Variants in MNX1 observed in about 807,000 individuals in gnomAD.
MNX1 encodes the protein motor neuron and pancreas homeobox 1.
In MNX1, 2 loss-of-function variants were observed where a neutral mutation model predicts 17.3. The observed-to-expected ratio is 0.12, with a 90% CI of 0.05 to 0.36. The LOEUF (loss-of-function observed/expected upper bound fraction) is 0.36, where lower values mean the gene tolerates loss of function less well. Ranked by LOEUF, MNX1 falls within the 10% of genes least tolerant of loss-of-function variation. MNX1 has a pLI of 1.00. For missense variants in MNX1, 556 were observed against 564.7 expected (o/e 0.98, Z 0.16); for synonymous variants, 306 against 283.1 (o/e 1.08, Z -0.81).
At position 157,010,173 on chromosome 7, in the gene MNX1, G is replaced by C; in HGVS notation, c.178C>G (p.Pro60Ala). The part of the protein sequence containing the change: ...ASGGTSGSCS[P>A]ASSEPPAAPA... Reference sequence around the variant, plus strand: ...GCAGCCGGCGGCTCCGAGGACGCGGGGCTGCAGCTGCCGCTAGTCCCGCCG... The same window carrying C: ...GCAGCCGGCGGCTCCGAGGACGCGGCGCTGCAGCTGCCGCTAGTCCCGCCG... The change falls in exon 1 of 3, where the codon CCC becomes GCC. Residue 60 changes from proline to alanine, a missense_variant. Pro to Ala is a conservative substitution (Grantham distance 27, BLOSUM62 -1). Coordinates refer to ENST00000252971, the MANE Select transcript of MNX1 (RefSeq NM_005515.4). The C allele has an allele frequency of 8.6e-7, 1 of 1,168,260 alleles. No homozygotes were observed. The highest frequency in any genetic ancestry group is 1.1e-6 in the Non-Finnish European group (1 of 944,690). 72.4% of individuals were successfully genotyped at this position (1,168,260 alleles called of 1,614,324 possible).
At chr7:157,009,119 G>C in intron 1 of MNX1, 1 of 1,534,348 alleles carries the variant, frequency 6.5e-7, no homozygotes, top group South Asian at 1.2e-5. Context: ...TCCAGAGGAG[G>C]GCAGCGCCCT....
In MNX1 at chr7:157,005,128, C is replaced by G; in HGVS notation, c.*392G>C. The stretch of plus-strand genomic sequence containing the variant: ...TTCAAGTTTCATAAGTCAGGTAACA[C>G]TGTGGGTTTCCGCCTTCTCGGACGC... On this transcript the variant is annotated 3_prime_UTR_variant, in exon 3 of 3. Coordinates refer to ENST00000252971, the MANE Select transcript of MNX1 (RefSeq NM_005515.4). The G allele has an allele frequency of 4.3e-6, 1 of 230,102 alleles. No individual in the cohort carries two copies. Among genetic ancestry groups the G allele is most frequent in the Non-Finnish European group, 8.6e-6 (1 of 116,146 alleles). 14.3% of individuals were successfully genotyped at this position (230,102 alleles called of 1,614,324 possible).
rs938453220 is a variant in MNX1, at chr7:157,009,329, G to T, written c.691+331C>A. On this transcript the variant is annotated intron_variant, in intron 1 of 2. Coordinates refer to ENST00000252971, the MANE Select transcript of MNX1 (RefSeq NM_005515.4). ...CCCATTCCCGGGCCTGCCTAATTCA[G>T]GGCGCTCTCGGCTCGCCTTCCCCCG... is the stretch of plus-strand genomic sequence containing the variant. 10 of 1,414,930 alleles carry T rather than the reference G, an allele frequency of 7.1e-6. No homozygotes were observed. The African/African-American group carries it at 1.5e-4, about 21-fold the overall frequency. The allele number at this position is 1,414,930 out of a possible 1,614,324, so 87.6% of individuals were successfully genotyped here. A position where few individuals can be genotyped will look rare whatever the true frequency, so the allele number is the denominator to read the frequency against.
intron 1 of MNX1, among the ~76,000 whole-genome samples, chr7:157,007,351 A>AGAAGGAAG (rs796952301): frequency 7.5e-4 from 113 of 151,086 alleles, no homozygotes; most frequent in Non-Finnish European, 1.1e-3. Flanking sequence ...AAAGAAGGAA[A>AGAAGGAAG]GAAGGAAGGA....
At chr7:157,007,193 T>C (rs1163791023) in intron 1 of MNX1, 3 of 152,130 alleles carry the variant, frequency 2.0e-5, no homozygotes, top group African/African-American at 7.2e-5. Context: ...TTCCTAGAGA[T>C]TCAGGCTCAG....
chr7:157,010,515 T>TGGTCCCGGCGCCTCCTCCGTGCG lies in MNX1; in HGVS notation c.-188_-166dup. The stretch of plus-strand genomic sequence containing the variant: ...CCGGAAACTCAGCCGAGGGTGACCA[T>TGGTCCCGGCGCCTCCTCCGTGCG]GGTCCCGGCGCCTCCTCCGTGCGGG... On this transcript the variant is annotated 5_prime_UTR_variant, in exon 1 of 3. Transcript: ENST00000252971. 1 of 453,854 alleles carries TGGTCCCGGCGCCTCCTCCGTGCG rather than the reference T, an allele frequency of 2.2e-6. No homozygotes were observed. Among genetic ancestry groups the TGGTCCCGGCGCCTCCTCCGTGCG allele is most frequent in the Non-Finnish European group, 3.8e-6 (1 of 260,556 alleles). The allele number at this position is 453,854 out of a possible 1,614,324, so 28.1% of individuals were successfully genotyped here.
chr7:157,006,473 G>C lies in MNX1; in HGVS notation c.852+6C>G. The C allele has an allele frequency of 1.2e-6, 2 of 1,608,534 alleles. No individual in the cohort carries two copies. Among genetic ancestry groups the C allele is most frequent in the Non-Finnish European group, 1.7e-6 (2 of 1,178,614 alleles). ...GGGATGCGTCGGGGGCGGGGAGGGCGCGCACCTGGGTCTCGGTGAGCATGA... is the reference window on the plus strand; with the variant it reads ...GGGATGCGTCGGGGGCGGGGAGGGCCCGCACCTGGGTCTCGGTGAGCATGA... On this transcript the variant is annotated splice_donor_region_variant and intron_variant, in intron 2 of 2. Transcript: ENST00000252971. The surrounding 1 kb of genome is among the most constrained non-coding windows in gnomAD (Gnocchi z 6.3).
chr7:157,006,852 A>ATT lies in MNX1; in HGVS notation c.692-214_692-213insAA. 2 of 327,626 alleles carry ATT rather than the reference A, an allele frequency of 6.1e-6. No individual in the cohort carries two copies. Among genetic ancestry groups the ATT allele is most frequent in the South Asian group, 5.5e-5 (1 of 18,126 alleles). The allele number at this position is 327,626 out of a possible 1,614,324, so 20.3% of individuals were successfully genotyped here. On this transcript the variant is annotated intron_variant, in intron 1 of 2. Coordinates refer to ENST00000252971, the MANE Select transcript of MNX1 (RefSeq NM_005515.4). The surrounding 1 kb of genome is among the most constrained non-coding windows in gnomAD (Gnocchi z 6.3). ...TGGATAGTTTGGAGTTAATGAGACC[A>ATT]ATTTTTTTTTTTTTTTTTGTCTAGG...
At position 157,010,602 on chromosome 7, in the gene MNX1, G is replaced by A; in HGVS notation, c.-252C>T. On this transcript the variant is annotated 5_prime_UTR_variant, in exon 1 of 3. Transcript: ENST00000252971. ...GAGTGCTTCCCCGCGTCCGGGCCCG[G>A]GAGCCCGGTTCTTTGCGCTGCAGCC... 3.4e-6 allele frequency: 1 copy of A among 291,266 alleles called. No individual in the cohort carries two copies. The highest frequency in any genetic ancestry group is 6.4e-6 in the Non-Finnish European group (1 of 155,550). 18.0% of individuals were successfully genotyped at this position (291,266 alleles called of 1,614,324 possible).
intron 1 of MNX1, 88 bp downstream of exon 1, chr7:157,009,572 C>CCAAGCG: frequency 1.3e-6 from 2 of 1,541,674 alleles, no homozygotes; most frequent in Non-Finnish European, 1.8e-6. Flanking sequence ...TCGCTGGGAG[C>CCAAGCG]CAAGCGCAGA....
Position 157,009,876 on chromosome 7 carries a change from A to ACG in MNX1, c.474_475insCG (p.Tyr159ArgfsTer64). On this transcript the variant is annotated frameshift_variant, in exon 1 of 3. Coordinates refer to ENST00000252971, the MANE Select transcript of MNX1 (RefSeq NM_005515.4). LOFTEE classifies it high-confidence loss of function. ...GAGTAGCCGTAGACCGGGTGGCCGTAGAGCGCCGCCTGCGCCGGGAGGCCC... is the reference window on the plus strand; with the variant it reads ...GAGTAGCCGTAGACCGGGTGGCCGTACGGAGCGCCGCCTGCGCCGGGAGGCCC... 1 of 1,451,946 alleles carries ACG rather than the reference A, an allele frequency of 6.9e-7. No homozygotes were observed. The highest frequency in any genetic ancestry group is 9.0e-7 in the Non-Finnish European group (1 of 1,108,948). The allele number at this position is 1,451,946 out of a possible 1,614,324, so 89.9% of individuals were successfully genotyped here.
At chr7:157,008,338 G>A (rs1805642368) in intron 1 of MNX1, 1 of 152,324 alleles carries the variant, frequency 6.6e-6, no homozygotes, top group Non-Finnish European at 1.5e-5. Context: ...CTGGGTTTAA[G>A]CCCAGGCTGG....
rs885832 is a variant in MNX1, at chr7:157,010,643, G to C, written c.-293C>G. 53,955 of 230,636 alleles carry C rather than the reference G, an allele frequency of 0.23. 8,345 individuals are homozygous for C. The highest frequency in any genetic ancestry group is 0.5 in the African/African-American group (22,312 of 44,638). 14.3% of individuals were successfully genotyped at this position (230,636 alleles called of 1,614,324 possible). On this transcript the variant is annotated 5_prime_UTR_variant, in exon 1 of 3. Transcript: ENST00000252971. ...CGCTGCAGCCCTCAGGCGACCGCGC[G>C]GAGGCCGCTGCCGCCGTGGTGGGGA...
chr7:157,010,050 C>G lies in MNX1; in HGVS notation c.301G>C (p.Gly101Arg). ...LPKPGFLGAG[G>R]GGGGTGGGHG... The stretch of plus-strand genomic sequence containing the variant: ...CCGCCGCCCGTGCCGCCGCCGCCGC[C>G]GCCCGCGCCCAGGAAGCCCGGCTTG... Residue 101 changes from glycine (G) to arginine (R), a missense_variant, in exon 1 of 3, where the codon GGC becomes CGC. This residue lies in a region of MNX1 where 115 missense variants were observed against 103.5 expected (regional missense o/e 1.11). Transcript: ENST00000252971. 2.0e-6 allele frequency: 2 copies of G among 998,672 alleles called. No homozygotes were observed. Among genetic ancestry groups the G allele is most frequent in the East Asian group, 1.1e-4 (1 of 9,094 alleles). 61.9% of individuals were successfully genotyped at this position (998,672 alleles called of 1,614,324 possible). A position where few individuals can be genotyped will look rare whatever the true frequency, so the allele number is the denominator to read the frequency against.
At position 157,005,452 on chromosome 7, in the gene MNX1, G is replaced by T; in HGVS notation, c.*68C>A. The T allele has an allele frequency of 8.8e-7, 1 of 1,137,624 alleles. No homozygotes were observed. The highest frequency in any genetic ancestry group is 1.1e-6 in the Non-Finnish European group (1 of 910,282). The allele number at this position is 1,137,624 out of a possible 1,614,324, so 70.5% of individuals were successfully genotyped here. ...GCCGGGCCGGGTGGGTGCGGGCGCC[G>T]GGGCCTCCGGGAGAAGCCGCCGGCC... On this transcript the variant is annotated 3_prime_UTR_variant, in exon 3 of 3. Coordinates refer to ENST00000252971, the MANE Select transcript of MNX1 (RefSeq NM_005515.4).
chr7:157,006,380 G>A lies in MNX1; in HGVS notation c.852+99C>T. The A allele has an allele frequency of 7.4e-7, 1 of 1,355,578 alleles. No individual in the cohort carries two copies. The highest frequency in any genetic ancestry group is 1.3e-5 in the South Asian group (1 of 74,628). The allele number at this position is 1,355,578 out of a possible 1,614,324, so 84.0% of individuals were successfully genotyped here. A position where few individuals can be genotyped will look rare whatever the true frequency, so the allele number is the denominator to read the frequency against. ...CGCCCGCCGTCTGAACCGTCGAGGC[G>A]CAGCGCTAGATGCCTCAGACCGCCC... On this transcript the variant is annotated intron_variant, in intron 2 of 2. Coordinates refer to ENST00000252971, the MANE Select transcript of MNX1 (RefSeq NM_005515.4). The surrounding 1 kb of genome is among the most constrained non-coding windows in gnomAD (Gnocchi z 6.3).
At chr7:157,009,634 A>G in intron 1 of MNX1, 26 bp downstream of exon 1, 1 of 1,605,114 alleles carries the variant, frequency 6.2e-7, no homozygotes, top group Non-Finnish European at 8.5e-7. Context: ...CGCCACGCGC[A>G]TCCACGGGGG....
At position 157,006,938 on chromosome 7, in the gene MNX1, C is replaced by G; in HGVS notation, c.692-299G>C. Reference sequence around the variant, plus strand: ...GCAGGAGGCTTCCTCTCCACAGGAGCCGGCTTTGGTAGCAGTGGATTGACC... The same window carrying G: ...GCAGGAGGCTTCCTCTCCACAGGAGGCGGCTTTGGTAGCAGTGGATTGACC... On this transcript the variant is annotated intron_variant, in intron 1 of 2. Transcript: ENST00000252971. The surrounding 1 kb of genome is among the most constrained non-coding windows in gnomAD (Gnocchi z 6.3). 1 of 277,546 alleles carries G rather than the reference C, an allele frequency of 3.6e-6. No individual in the cohort carries two copies. The highest frequency in any genetic ancestry group is 6.8e-6 in the Non-Finnish European group (1 of 148,116). 17.2% of individuals were successfully genotyped at this position (277,546 alleles called of 1,614,324 possible).
At chr7:157,008,928 G>A (rs1286289778) in intron 1 of MNX1, 6 of 1,479,058 alleles carry the variant, frequency 4.1e-6, no homozygotes, top group East Asian at 4.9e-5. Context: ...GAAGCTGCCC[G>A]AAGCCCAGCG....
Sources: allele counts gnomAD v4.1 joint callset (sites outside exome capture counted in the v4.1 genomes callset), GRCh38; gene constraint gnomAD v4.1.1; regional missense constraint gnomAD v4.1.1; non-coding constraint Gnocchi (gnomAD v3.1); transcripts MANE v1.5; gene names NCBI Gene and HGNC (gene_info 2026-07-23, HGNC 2026-07-21).